GALNT18: variants seen among roughly 807,000 people sequenced by gnomAD.
GALNT18 encodes the protein polypeptide N-acetylgalactosaminyltransferase 18, also known as GalNAc-transferase 18.
Under a neutral mutation model 69.5 loss-of-function variants are expected in GALNT18, and 44 were observed. That is an observed-to-expected ratio of 0.63 (90% CI 0.50 to 0.81). GALNT18 has a LOEUF of 0.81. Among genes scored for constraint, GALNT18 ranks in the 40% least tolerant of loss-of-function variants. The pLI is 0.00. For synonymous variants in GALNT18, 364 were observed against 318.2 expected, an observed-to-expected ratio of 1.14 and a Z score of -1.53; for missense variants, 715 against 810.0, an observed-to-expected ratio of 0.88 and a Z score of 1.42.
At chr11:11,526,552 G>A (rs1012082398) in intron 1 of GALNT18, among the ~76,000 whole-genome samples, 1 of 151,982 alleles carries the variant, frequency 6.6e-6, no homozygotes, top group African/African-American at 2.4e-5. Context: ...GTATTTGTCA[G>A]GGGAGAGCTG....
At chr11:11,271,622 T>A (rs2132968870) in intron 10 of GALNT18, among the ~76,000 whole-genome samples, 2 of 60,836 alleles carry the variant, frequency 3.3e-5, no homozygotes, top group Admixed American at 4.1e-4. Context: ...GTCCTTTCTC[T>A]GAAAAGCCTA....
At chr11:11,409,303 G>A (rs561857003) in intron 3 of GALNT18, among the ~76,000 whole-genome samples, 1 of 152,128 alleles carries the variant, frequency 6.6e-6, no homozygotes, top group African/African-American at 2.4e-5. Context: ...TGGGTTCCTA[G>A]TGCGTGAACT....
intron 1 of GALNT18, among the ~76,000 whole-genome samples, chr11:11,589,704 C>T (rs1336963196): frequency 6.6e-6 from 1 of 152,166 alleles, no homozygotes; most frequent in Non-Finnish European, 1.5e-5. Flanking sequence ...TATCGCCCCT[C>T]ACTCCCAAGA....
At chr11:11,486,985 A>G (rs1278907294) in intron 1 of GALNT18, among the ~76,000 whole-genome samples, 3 of 152,220 alleles carry the variant, frequency 2.0e-5, no homozygotes, top group African/African-American at 7.2e-5. Context: ...CAGCCACCAC[A>G]GTCCTCTCCA....
intron 9 of GALNT18, among the ~76,000 whole-genome samples, chr11:11,302,173 G>C (rs1849506151): frequency 6.6e-6 from 1 of 152,172 alleles, no homozygotes; most frequent in South Asian, 2.1e-4. Context: ...CTGTGATTCA[G>C]ATCAGTAAGT....
rs1854770986 is a variant in GALNT18 at position 11,413,203 on chromosome 11, A to G, written c.595+19418T>C. On this transcript the variant is annotated intron_variant, in intron 3 of 10. Transcript: ENST00000227756. The surrounding 1 kb of genome is among the most constrained non-coding windows in gnomAD (Gnocchi z 4.7). The stretch of plus-strand genomic sequence containing the variant: ...AACAGCCTCTCCAAGGAGAAGCTAG[A>G]GAAGCTGGGACAAGCCCTGCACCGT... Among the ~76,000 whole-genome samples the G allele has an allele frequency of 1.3e-5, 2 of 152,192 alleles. No individual in the cohort carries two copies. Among genetic ancestry groups the G allele is most frequent in the Non-Finnish European group, 2.9e-5 (2 of 68,040 alleles).
intron 8 of GALNT18, among the ~76,000 whole-genome samples, chr11:11,328,553 G>A (rs963850007): frequency 1.3e-5 from 2 of 152,150 alleles, no homozygotes; most frequent in African/African-American, 2.4e-5. Context: ...TTCCTAACAG[G>A]GGACAAGGAA....
intron 1 of GALNT18, among the ~76,000 whole-genome samples, chr11:11,552,125 T>C (rs1256871988): frequency 6.6e-6 from 1 of 152,172 alleles, no homozygotes; most frequent in African/African-American, 2.4e-5. Flanking sequence ...ACAAAATTGA[T>C]AATGTATTCA....
At position 11,617,859 on chromosome 11, in the gene GALNT18, A is replaced by G. The variant is rs1054949620; in HGVS notation, c.235+3500T>C. Among the ~76,000 whole-genome samples, 1 of 152,044 alleles carries G rather than the reference A, an allele frequency of 6.6e-6. No individual in the cohort carries two copies. The highest frequency in any genetic ancestry group is 2.4e-5 in the African/African-American group (1 of 41,378). ...CCGTGTCAAGCCATCAGATCTTTCT[A>G]CTCCTAAGATGGAGAGAACCTGACC... On this transcript the variant is annotated intron_variant, in intron 1 of 10. Coordinates refer to ENST00000227756, the MANE Select transcript of GALNT18 (RefSeq NM_198516.3). This position sits in a 1 kb window ranked among gnomAD's most constrained non-coding sequence, Gnocchi z 4.7.
chr11:11,423,322 C>T (rs1270593096), intron 3 of GALNT18, among the ~76,000 whole-genome samples: 2 of 152,240 alleles, frequency 1.3e-5, no homozygotes. Context: ...AGAGTACTTG[C>T]ATATACATGT....
intron 3 of GALNT18, among the ~76,000 whole-genome samples, chr11:11,395,846 AGG>A (rs1854313582): frequency 1.4e-5 from 2 of 146,446 alleles, no homozygotes; most frequent in South Asian, 4.2e-4. Flanking sequence ...GGGAAACAGG[AGG>A]GGAAAGCTAG....
At chr11:11,331,037 C>T (rs916532053) in intron 8 of GALNT18, among the ~76,000 whole-genome samples, 1 of 152,204 alleles carries the variant, frequency 6.6e-6, no homozygotes, top group African/African-American at 2.4e-5. Context: ...CATGGCCAAG[C>T]AGCATACATA....
intron 1 of GALNT18, among the ~76,000 whole-genome samples, chr11:11,608,149 G>A (rs967083650): frequency 2.0e-5 from 3 of 152,148 alleles, no homozygotes; most frequent in East Asian, 1.9e-4. Flanking sequence ...CTTGACTTAC[G>A]TGGGAAAGTC....
intron 1 of GALNT18, among the ~76,000 whole-genome samples, chr11:11,585,797 A>G (rs1379817345): frequency 7.9e-6 from 1 of 127,296 alleles, no homozygotes; most frequent in Non-Finnish European, 1.6e-5. Context: ...ACTCTTCTCA[A>G]TAAGTTTTTT....
intron 6 of GALNT18, among the ~76,000 whole-genome samples, chr11:11,357,836 C>G (rs1477421292): frequency 6.6e-6 from 1 of 152,126 alleles, no homozygotes; most frequent in Non-Finnish European, 1.5e-5. Context: ...CACTGCATAT[C>G]CAGTGCTTGG....
chr11:11,570,128 A>G (rs12365331), intron 1 of GALNT18: 33,089 of 152,272 alleles, frequency 0.22, 4,559 homozygotes, highest in South Asian at 0.38. Flanking sequence ...ACTCCATCTC[A>G]GGAACCATGG....
intron 1 of GALNT18, among the ~76,000 whole-genome samples, chr11:11,571,543 A>T (rs1019866641): frequency 2.6e-5 from 4 of 152,180 alleles, no homozygotes; most frequent in Non-Finnish European, 4.4e-5. Context: ...TTCTGGTGGG[A>T]CATGCCTCTT....
At chr11:11,321,673 G>C (rs1427486942) in intron 9 of GALNT18, among the ~76,000 whole-genome samples, 1 of 152,234 alleles carries the variant, frequency 6.6e-6, no homozygotes, top group Non-Finnish European at 1.5e-5. Flanking sequence ...CGCAGTCTCA[G>C]CTCACTGCAA....
At chr11:11,521,176 T>A (rs1044752263) in intron 1 of GALNT18, among the ~76,000 whole-genome samples, 6 of 151,886 alleles carry the variant, frequency 4.0e-5, no homozygotes, top group South Asian at 2.1e-4. Flanking sequence ...TTGTGCCCCA[T>A]AATGAGCCCT....
Sources: allele counts gnomAD v4.1 joint callset (sites outside exome capture counted in the v4.1 genomes callset), GRCh38; gene constraint gnomAD v4.1.1; non-coding constraint Gnocchi (gnomAD v3.1); transcripts MANE v1.5; gene names NCBI Gene and HGNC (gene_info 2026-07-23, HGNC 2026-07-21).